ANO3: variants seen among roughly 807,000 people sequenced by gnomAD.
ANO3 encodes anoctamin 3.
A neutral mutation model predicts 144.8 loss-of-function variants in ANO3; 99 were observed. The observed-to-expected ratio is 0.68, with a 90% CI of 0.58 to 0.81. The LOEUF is 0.81. Among genes scored for constraint, ANO3 ranks in the 30% least tolerant of loss-of-function variants. The pLI, the probability that ANO3 is intolerant of heterozygous loss-of-function variation, is 0.00. For missense variants in ANO3, 905 were observed against 1,202.2 expected (o/e 0.75, Z 3.66); for synonymous variants, 414 against 392.6 (o/e 1.05, Z -0.64).
At chr11:26,493,736 G>C (rs1860809162) in intron 4 of ANO3, among the ~76,000 whole-genome samples, 1 of 152,148 alleles carries the variant, frequency 6.6e-6, no homozygotes, top group Non-Finnish European at 1.5e-5. Flanking sequence ...AATTAATGCA[G>C]CTTCTAACTT....
chr11:26,483,240 G>A (rs1860298346), intron 4 of ANO3, among the ~76,000 whole-genome samples: 1 of 151,394 alleles, frequency 6.6e-6, no homozygotes, highest in African/African-American at 2.4e-5. Flanking sequence ...TGTTATTTTT[G>A]GACATCTAAA....
intron 4 of ANO3, among the ~76,000 whole-genome samples, chr11:26,507,155 AAGCCCCCC>A (rs1861466314): frequency 6.6e-6 from 1 of 152,170 alleles, no homozygotes; most frequent in Admixed American, 6.5e-5. Flanking sequence ...TGTACTGGAA[AAGCCCCCC>A]TAAGAGGACC....
At chr11:26,268,930 T>A (rs1853376066) in intron 1 of ANO3, among the ~76,000 whole-genome samples, 1 of 152,006 alleles carries the variant, frequency 6.6e-6, no homozygotes, top group Non-Finnish European at 1.5e-5. Flanking sequence ...AAAAAATCAC[T>A]CCACATGTAC....
chr11:26,445,891 G>A (rs187499337), intron 3 of ANO3, among the ~76,000 whole-genome samples: 66 of 152,026 alleles, frequency 4.3e-4, no homozygotes, highest in Admixed American at 8.5e-4. Context: ...GAGTGCAGTG[G>A]TGCGATCTCA....
At chr11:26,623,755 T>G (rs1014518524) in intron 17 of ANO3, among the ~76,000 whole-genome samples, 2 of 151,740 alleles carry the variant, frequency 1.3e-5, no homozygotes, top group Admixed American at 6.6e-5. Context: ...AAACACAATT[T>G]TTTTAATTTT....
intron 1 of ANO3, among the ~76,000 whole-genome samples, chr11:26,275,279 G>A (rs1188667036): frequency 6.6e-6 from 1 of 151,948 alleles, no homozygotes; most frequent in East Asian, 1.9e-4. Context: ...CAATAGGAAT[G>A]GCCAAATCCA....
chr11:26,586,603 C>T (rs970335316), intron 14 of ANO3, among the ~76,000 whole-genome samples: 4 of 148,764 alleles, frequency 2.7e-5, no homozygotes, highest in East Asian at 2.0e-4. Context: ...CCCATGTTCA[C>T]GCCATTCTCC....
At chr11:26,489,917 AG>A (rs1181816431) in intron 4 of ANO3, among the ~76,000 whole-genome samples, 48 of 152,170 alleles carry the variant, frequency 3.2e-4, no homozygotes, top group African/African-American at 1.1e-3. Flanking sequence ...TGTTCAAATG[AG>A]ACTGGACTGT....
intron 3 of ANO3, among the ~76,000 whole-genome samples, chr11:26,458,964 A>G (rs968721552): frequency 2.6e-5 from 4 of 152,148 alleles, no homozygotes; most frequent in Admixed American, 6.6e-5. Flanking sequence ...GAGCAGAGGG[A>G]GAACTATGGA....
At chr11:26,244,974 G>GGTGTGTGTGTGTGTGT (rs61543573) in intron 1 of ANO3, among the ~76,000 whole-genome samples, 1 of 121,638 alleles carries the variant, frequency 8.2e-6, no homozygotes, top group Admixed American at 8.2e-5. Flanking sequence ...CTGGTCTCCT[G>GGTGTGTGTGTGTGTGT]GTGTGTGTGT....
At chr11:26,339,569 C>T (rs184602013) in intron 1 of ANO3, among the ~76,000 whole-genome samples, 244 of 152,324 alleles carry the variant, frequency 1.6e-3, no homozygotes, top group African/African-American at 5.4e-3. Context: ...GTCTAATTTT[C>T]ACCACAGCTG....
chr11:26,350,440 T>C (rs1247890276), intron 1 of ANO3, among the ~76,000 whole-genome samples: 2 of 152,212 alleles, frequency 1.3e-5, no homozygotes, highest in Non-Finnish European at 2.9e-5. Context: ...CACATGATTA[T>C]TGTAGAAAAG....
Position 26,602,425 on chromosome 11 carries a change from G to A in ANO3, c.1836+2711G>A, listed in dbSNP as rs371743799. ...CAGATACATTTATCGATATAAAGGA[G>A]ATTAAAATATTAGAAGAGGGGCCAG... On this transcript the variant is annotated intron_variant, in intron 17 of 26. Coordinates refer to ENST00000256737, the MANE Select transcript of ANO3 (RefSeq NM_031418.4). Among the ~76,000 whole-genome samples, 310 of 152,114 alleles carry A rather than the reference G, an allele frequency of 2.0e-3. 4 individuals are homozygous for A. Among genetic ancestry groups the A allele is most frequent in the South Asian group, 0.02 (96 of 4,818 alleles).
At chr11:26,499,718 T>C (rs1861113314) in intron 4 of ANO3, among the ~76,000 whole-genome samples, 2 of 151,924 alleles carry the variant, frequency 1.3e-5, no homozygotes, top group Admixed American at 6.6e-5. Flanking sequence ...GAACTGTAAA[T>C]TCCTATGTTA....
At chr11:26,189,201 G>T in exon 1 of ANO3, 1 of 985,246 alleles carries the variant, frequency 1.0e-6, no homozygotes. Flanking sequence ...ATTTGAACTG[G>T]ATAATTTTTC....
chr11:26,325,774 C>A (rs530450796), intron 1 of ANO3, among the ~76,000 whole-genome samples: 1 of 152,258 alleles, frequency 6.6e-6, no homozygotes, highest in African/African-American at 2.4e-5. Flanking sequence ...AAAGGAATAA[C>A]CCCTGGTCAA....
intron 10 of ANO3, among the ~76,000 whole-genome samples, chr11:26,541,651 T>C (rs1311709723): frequency 1.3e-5 from 2 of 152,034 alleles, no homozygotes; most frequent in Non-Finnish European, 2.9e-5. Flanking sequence ...ATTGTGTTTA[T>C]TAAAAGACCT....
chr11:26,508,242 G>C lies in ANO3; in HGVS notation c.571G>C (p.Gly191Arg). The part of the protein sequence containing the change: ...NTFEKNLRAE[G>R]LMLEKEPAIA... ...ATTTGAAAAGAACCTCAGAGCAGAA[G>C]GCTTGATGTTGGAGAAGGAGGTAGG... Residue 191 changes from glycine (G) to arginine (R), a missense_variant, in exon 5 of 27, where the codon GGC becomes CGC. Gly to Arg is a moderately radical substitution (Grantham distance 125). Coordinates refer to ENST00000256737, the MANE Select transcript of ANO3 (RefSeq NM_031418.4). 6.3e-7 allele frequency: 1 copy of C among 1,592,952 alleles called. No homozygotes were observed. The highest frequency in any genetic ancestry group is 8.5e-7 in the Non-Finnish European group (1 of 1,173,690).
At chr11:26,500,625 T>A (rs1342804225) in intron 4 of ANO3, among the ~76,000 whole-genome samples, 1 of 152,158 alleles carries the variant, frequency 6.6e-6, no homozygotes, top group African/African-American at 2.4e-5. Context: ...TTCAAATCAT[T>A]CATCCATTTT....
Sources: allele counts gnomAD v4.1 joint callset (sites outside exome capture counted in the v4.1 genomes callset), GRCh38; gene constraint gnomAD v4.1.1; transcripts MANE v1.5; gene names NCBI Gene and HGNC (gene_info 2026-07-23, HGNC 2026-07-21).